The following WWOX variants were observed in gnomAD, a reference collection of about 807,000 sequenced individuals.
WWOX encodes the protein WW domain containing oxidoreductase, also known as WW domain-containing oxidoreductase.
WWOX carries 69 observed loss-of-function variants against 46.2 expected under a neutral mutation model. The ratio of observed to expected loss-of-function variants is 1.49; its 90% confidence interval spans 1.23 to 1.82. WWOX has a LOEUF of 1.82. Ranked by LOEUF, WWOX falls within the 40% of genes most tolerant of loss-of-function variation. WWOX has a pLI of 0.00. For synonymous variants in WWOX, 359 were observed against 202.6 expected (o/e 1.77, Z -6.56); for missense variants, 919 against 542.6 (o/e 1.69, Z -6.89).
chr16:78,486,824 G>A lies in WWOX; in HGVS notation c.1056+54072G>A, dbSNP rs147157731. Among the ~76,000 whole-genome samples the A allele has an allele frequency of 1.0e-2, 1,519 of 152,228 alleles. 19 individuals are homozygous for A. Among genetic ancestry groups the A allele is most frequent in the Non-Finnish European group, 9.2e-3 (624 of 67,998 alleles). On this transcript the variant is annotated intron_variant, in intron 8 of 8. Transcript: ENST00000566780. ...CCTGACTTCGTGATCCACTCGCCTC[G>A]GCCTCCCAAAGTGCTGGGATTACAG...
intron 8 of WWOX, among the ~76,000 whole-genome samples, chr16:78,836,530 G>A (rs1232626835): frequency 3.3e-5 from 5 of 152,158 alleles, no homozygotes; most frequent in East Asian, 3.9e-4. Context: ...GCCATGTTTA[G>A]TAAGTCATCT....
intron 8 of WWOX, among the ~76,000 whole-genome samples, chr16:78,800,069 C>G (rs1221427623): frequency 6.6e-6 from 1 of 152,122 alleles, no homozygotes; most frequent in Non-Finnish European, 1.5e-5. Context: ...ACATTGTTAT[C>G]CTTCGGGTTG....
At chr16:78,688,274 A>G (rs1046974220) in intron 8 of WWOX, among the ~76,000 whole-genome samples, 7 of 152,094 alleles carry the variant, frequency 4.6e-5, no homozygotes, top group Non-Finnish European at 5.9e-5. Flanking sequence ...TTCTTGTTGC[A>G]TCGTCTTTAT....
At chr16:78,966,527 C>G (rs570519928) in intron 8 of WWOX, among the ~76,000 whole-genome samples, 1 of 151,574 alleles carries the variant, frequency 6.6e-6, no homozygotes, top group South Asian at 2.1e-4. Context: ...TTTTTTAACT[C>G]TTCCCCTAAT....
chr16:79,208,244 T>A (rs569874106), intron 8 of WWOX, among the ~76,000 whole-genome samples: 21 of 152,326 alleles, frequency 1.4e-4, no homozygotes, highest in Non-Finnish European at 2.8e-4. Context: ...AAGATTCTTC[T>A]GGGCTTCCCA....
chr16:79,165,473 AAT>A (rs1255981969), intron 8 of WWOX, among the ~76,000 whole-genome samples: 1 of 152,148 alleles, frequency 6.6e-6, no homozygotes, highest in African/African-American at 2.4e-5. Context: ...AAATACGAAA[AAT>A]AGAATCAGAG....
intron 8 of WWOX, among the ~76,000 whole-genome samples, chr16:79,049,603 C>T (rs1257060971): frequency 2.6e-5 from 4 of 151,990 alleles, no homozygotes; most frequent in South Asian, 4.2e-4. Context: ...TTTGGGAGGC[C>T]GAGGTGGGTG....
At chr16:79,025,394 C>G (rs1269371649) in intron 8 of WWOX, among the ~76,000 whole-genome samples, 1 of 152,130 alleles carries the variant, frequency 6.6e-6, no homozygotes, top group Non-Finnish European at 1.5e-5. Context: ...TTGAGGATCT[C>G]AAAACGAGGT....
intron 8 of WWOX, among the ~76,000 whole-genome samples, chr16:78,694,309 G>C (rs2048053651): frequency 6.6e-6 from 1 of 152,174 alleles, no homozygotes; most frequent in Non-Finnish European, 1.5e-5. Context: ...GGAAAGTGTG[G>C]TTCTGTCTAC....
At chr16:78,481,356 G>A (rs565089784) in intron 8 of WWOX, among the ~76,000 whole-genome samples, 1 of 152,206 alleles carries the variant, frequency 6.6e-6, no homozygotes, top group Admixed American at 6.5e-5. Context: ...GGTCTACTCT[G>A]TTTATCCTCT....
intron 8 of WWOX, among the ~76,000 whole-genome samples, chr16:78,974,769 C>G (rs746893538): frequency 3.3e-5 from 5 of 152,162 alleles, no homozygotes; most frequent in African/African-American, 1.2e-4. Context: ...CGCCAGCTCT[C>G]CACCCTTCAG....
In WWOX at chr16:78,995,275, G is replaced by C. The variant is rs78102941; in HGVS notation, c.1057-216333G>C. Among the ~76,000 whole-genome samples the C allele has an allele frequency of 5.9e-4, 90 of 152,198 alleles. 2 individuals are homozygous for C. The East Asian group carries it at 0.016, about 28-fold the overall frequency. ...AAGCTTTTAGCAGGAAAGGTGAACA[G>C]AGGCATCTGGATGCATCGCGGCCAG... On this transcript the variant is annotated intron_variant, in intron 8 of 8. Transcript: ENST00000566780.
At chr16:78,495,306 A>C (rs1210265580) in intron 8 of WWOX, among the ~76,000 whole-genome samples, 2 of 151,630 alleles carry the variant, frequency 1.3e-5, no homozygotes, top group African/African-American at 4.8e-5. Context: ...ACACCCAGCT[A>C]ATTTTTGTAT....
rs147168334 is a variant in WWOX at position 78,911,462 on chromosome 16, A to G, written c.1057-300146A>G. 1.7e-3 allele frequency among the ~76,000 whole-genome samples: 260 copies of G among 152,154 alleles called. 2 individuals carry two copies. The highest frequency in any genetic ancestry group is 0.01 in the Middle Eastern group (3 of 294). On this transcript the variant is annotated intron_variant, in intron 8 of 8. Coordinates refer to ENST00000566780, the MANE Select transcript of WWOX (RefSeq NM_016373.4). ...AGACATTAAAGTGCTAGAAATGATA[A>G]TGGTGAAAGATTCAGAAGTTGAAGG...
intron 8 of WWOX, among the ~76,000 whole-genome samples, chr16:78,579,206 C>A (rs745563036): frequency 1.3e-5 from 2 of 152,116 alleles, no homozygotes; most frequent in East Asian, 3.9e-4. Flanking sequence ...ACTTTACTAA[C>A]TACCAGGGAT....
chr16:79,139,561 G>C (rs2050048462), intron 8 of WWOX, among the ~76,000 whole-genome samples: 1 of 152,138 alleles, frequency 6.6e-6, no homozygotes, highest in African/African-American at 2.4e-5. Flanking sequence ...TCGAGCTGTG[G>C]AAGTCACGTG....
At chr16:78,854,667 G>A (rs756510760) in intron 8 of WWOX, among the ~76,000 whole-genome samples, 5 of 152,080 alleles carry the variant, frequency 3.3e-5, no homozygotes, top group African/African-American at 1.2e-4. Flanking sequence ...TGCAACCTCC[G>A]CCTCCCGGGT....
intron 4 of WWOX, among the ~76,000 whole-genome samples, chr16:78,127,080 G>T (rs1304929064): frequency 6.6e-6 from 1 of 152,200 alleles, no homozygotes; most frequent in Non-Finnish European, 1.5e-5. Context: ...TCTGGAAGCA[G>T]ACGTGACCTA....
chr16:78,763,780 T>C (rs1328854244), intron 8 of WWOX, among the ~76,000 whole-genome samples: 1 of 152,196 alleles, frequency 6.6e-6, no homozygotes, highest in Non-Finnish European at 1.5e-5. Context: ...ACTTAATTTC[T>C]CCAGCATTCA....
Sources: allele counts gnomAD v4.1 joint callset (sites outside exome capture counted in the v4.1 genomes callset), GRCh38; gene constraint gnomAD v4.1.1; transcripts MANE v1.5; gene names NCBI Gene and HGNC (gene_info 2026-07-23, HGNC 2026-07-21).